The following VCPKMT variants were observed in gnomAD, a reference collection of about 807,000 sequenced individuals.
The protein encoded by VCPKMT is valosin containing protein lysine methyltransferase, also known as protein N-lysine methyltransferase METTL21D.
Under a neutral mutation model 28.6 loss-of-function variants are expected in VCPKMT, and 32 were observed. The ratio of observed to expected loss-of-function variants is 1.12; its 90% CI spans 0.84 to 1.50. The LOEUF (loss-of-function observed/expected upper bound fraction) is 1.50. Among genes scored for constraint, VCPKMT ranks in the 40% most tolerant of loss-of-function variants. The pLI is 0.00. For missense variants in VCPKMT, 366 were observed against 285.0 expected (o/e 1.28, Z -2.05); for synonymous variants, 138 against 111.4 (o/e 1.24, Z -1.50).
At chr14:50,108,015 C>T (rs1342374102), downstream of VCPKMT, among the ~76,000 whole-genome samples, 1 of 151,634 alleles carries the variant, frequency 6.6e-6, no homozygotes. Context: ...ATGGTGAAAC[C>T]CTGACTCTAC....
chr14:50,114,138 G>A (rs932046478), intron 4 of VCPKMT, 147 bp downstream of exon 4: 2 of 690,752 alleles, frequency 2.9e-6, no homozygotes, highest in African/African-American at 1.9e-5. Flanking sequence ...GAGCTTCGTA[G>A]AATCATGGGC....
chr14:50,111,851 T>G (rs1882682853), intron 5 of VCPKMT: 1 of 937,286 alleles, frequency 1.1e-6, no homozygotes, highest in Non-Finnish European at 1.3e-6. Context: ...ATTGCACCAC[T>G]GTACTCCAGC....
chr14:50,103,326 G>T, the VCPKMT span, among the ~76,000 whole-genome samples: 6 of 152,200 alleles, frequency 3.9e-5, no homozygotes, highest in African/African-American at 1.4e-4. Context: ...ATTTAGGCAA[G>T]AAACAACTGC....
chr14:50,104,647 G>T (rs553315921), downstream of VCPKMT, among the ~76,000 whole-genome samples: 36 of 148,038 alleles, frequency 2.4e-4, no homozygotes, highest in African/African-American at 8.7e-4. Flanking sequence ...GGGAACCAAA[G>T]ACACAGCTTC....
chr14:50,110,560 T>A (rs184455238), intron 5 of VCPKMT, among the ~76,000 whole-genome samples: 6 of 152,326 alleles, frequency 3.9e-5, no homozygotes, highest in Non-Finnish European at 5.9e-5. Context: ...TTGGTAAAAA[T>A]GTGGAGAAAA....
At chr14:50,115,998 C>A (rs1883152666) in intron 2 of VCPKMT, 71 bp downstream of exon 2, 9 of 1,593,504 alleles carry the variant, frequency 5.6e-6, no homozygotes, top group Admixed American at 1.7e-5. Context: ...CCCTTCCATC[C>A]TTTTAATGAA....
intron 4 of VCPKMT, 41 bp from the exon 5 acceptor site, chr14:50,112,760 GA>G (rs1396285414): frequency 2.6e-5 from 35 of 1,362,306 alleles, no homozygotes; most frequent in Non-Finnish European, 3.3e-5. Context: ...TCAATAATAT[GA>G]ACTGACCTGT....
chr14:50,107,566 G>A (rs974662154), downstream of VCPKMT, among the ~76,000 whole-genome samples: 2 of 152,106 alleles, frequency 1.3e-5, no homozygotes, highest in East Asian at 1.9e-4. Flanking sequence ...CGTCTGCCTC[G>A]GCATACAGGC....
chr14:50,115,441 G>A (rs1883071409), intron 3 of VCPKMT, among the ~76,000 whole-genome samples: 2 of 152,144 alleles, frequency 1.3e-5, no homozygotes, highest in African/African-American at 4.8e-5. Context: ...GTGAGCCACC[G>A]CGCCCGGCCC....
intron 5 of VCPKMT, among the ~76,000 whole-genome samples, chr14:50,110,382 G>A (rs1882559048): frequency 6.6e-6 from 1 of 152,172 alleles, no homozygotes; most frequent in Admixed American, 6.5e-5. Context: ...GAATGTATAA[G>A]GAACTCTCAC....
Position 50,108,666 on chromosome 14 carries a change from A to C in VCPKMT, c.*1033T>G. 4.1e-6 allele frequency: 4 copies of C among 985,890 alleles called. No individual in the cohort carries two copies. The highest frequency in any genetic ancestry group is 4.8e-6 in the Non-Finnish European group (4 of 829,938). 61.1% of individuals were successfully genotyped at this position (985,890 alleles called of 1,614,324 possible). A position where few individuals can be genotyped will look rare whatever the true frequency, so the allele number is the denominator to read the frequency against. Reference sequence around the variant, plus strand: ...AAAAACAATGTTTATTTTAACACATAAAATGTACCATCTAGCACCAATGCC... The same window carrying C: ...AAAAACAATGTTTATTTTAACACATCAAATGTACCATCTAGCACCAATGCC... On this transcript the variant is annotated 3_prime_UTR_variant, in exon 6 of 6. Transcript: ENST00000395860.
rs1882766765 is a variant in VCPKMT, at chr14:50,112,607, T to C, written c.675+8A>G. ...CTTGGAGAATGAAGAACTGAGAATG[T>C]TATTTACCGATTTTTTCTTTCTGAT... On this transcript the variant is annotated splice_region_variant and intron_variant, in intron 5 of 5. Transcript: ENST00000395860. 1 of 1,495,404 alleles carries C rather than the reference T, an allele frequency of 6.7e-7. No individual in the cohort carries two copies. Among genetic ancestry groups the C allele is most frequent in the Admixed American group, 1.9e-5 (1 of 51,508 alleles). 92.6% of individuals were successfully genotyped at this position (1,495,404 alleles called of 1,614,324 possible). A position where few individuals can be genotyped will look rare whatever the true frequency, so the allele number is the denominator to read the frequency against.
At chr14:50,107,962 G>A (rs1175376491), downstream of VCPKMT, among the ~76,000 whole-genome samples, 1 of 152,042 alleles carries the variant, frequency 6.6e-6, no homozygotes, top group Non-Finnish European at 1.5e-5. Context: ...GCTAAGGAGG[G>A]TGGATCACTT....
chr14:50,112,201 A>G (rs148738549), intron 5 of VCPKMT: 116 of 360,158 alleles, frequency 3.2e-4, no homozygotes, highest in African/African-American at 2.4e-3. Flanking sequence ...GTAATACCCA[A>G]TTATAGAGCT....
intron 3 of VCPKMT, among the ~76,000 whole-genome samples, chr14:50,115,524 G>A (rs1020678929): frequency 6.6e-6 from 1 of 152,166 alleles, no homozygotes; most frequent in African/African-American, 2.4e-5. Context: ...AACATGTTCC[G>A]TGGGAACAAC....
At chr14:50,114,846 ATCT>A (rs1882991387) in intron 3 of VCPKMT, among the ~76,000 whole-genome samples, 1 of 152,152 alleles carries the variant, frequency 6.6e-6, no homozygotes, top group Admixed American at 6.5e-5. Flanking sequence ...CAAGACCCCT[ATCT>A]TAAAACAAAA....
At chr14:50,106,724 TTTTG>T (rs1190110512), downstream of VCPKMT, 28 of 832,220 alleles carry the variant, frequency 3.4e-5, no homozygotes, top group Non-Finnish European at 3.9e-5. Context: ...CCTCCTGCGG[TTTTG>T]TTTTTTTGAG....
At chr14:50,104,321 A>G (rs922046796), downstream of VCPKMT, among the ~76,000 whole-genome samples, 1 of 152,218 alleles carries the variant, frequency 6.6e-6, no homozygotes, top group South Asian at 2.1e-4. Context: ...TAAGAACTTC[A>G]ATGTCTTGAA....
intron 2 of VCPKMT, 75 bp downstream of exon 2, chr14:50,115,994 C>T: frequency 3.1e-6 from 5 of 1,594,946 alleles, no homozygotes; most frequent in Non-Finnish European, 4.3e-6. Context: ...AGTCCCCTTC[C>T]ATCCTTTTAA....
Sources: gnomAD v4.1 joint callset for allele counts (sites outside exome capture counted in the v4.1 genomes callset) on GRCh38, gnomAD v4.1.1 for gene constraint, MANE v1.5 for transcripts, NCBI Gene and HGNC (gene_info 2026-07-23, HGNC 2026-07-21) for gene names.